CASQ2: variants seen among roughly 807,000 people sequenced by gnomAD.
CASQ2 encodes calsequestrin 2, also known as calsequestrin-2.
Under a neutral mutation model 46.5 loss-of-function variants are expected in CASQ2, and 49 were observed. That is an observed-to-expected ratio of 1.05 (90% CI 0.84 to 1.34). The LOEUF (loss-of-function observed/expected upper bound fraction) is 1.34. Ranked by LOEUF, CASQ2 falls within the 40% of genes most tolerant of loss-of-function variation. The pLI is 0.00. For synonymous variants in CASQ2, 174 were observed against 168.5 expected, an observed-to-expected ratio of 1.03 and a Z score of -0.25; for missense variants, 486 against 481.3, an observed-to-expected ratio of 1.01 and a Z score of -0.09.
At chr1:115,761,402 A>AAAC (rs1553197224) in intron 1 of CASQ2, among the ~76,000 whole-genome samples, 174 of 8,028 alleles carry the variant, frequency 0.022, 3 homozygotes, top group East Asian at 0.091. Context: ...GTCAAAAAAA[A>AAAC]AAGAAGAAGA....
intron 8 of CASQ2, among the ~76,000 whole-genome samples, chr1:115,715,378 C>T (rs1654668163): frequency 6.6e-6 from 1 of 152,136 alleles, no homozygotes; most frequent in African/African-American, 2.4e-5. Context: ...GAATATTATT[C>T]GGCCCTTAAA....
chr1:115,747,678 G>T (rs933521391), intron 1 of CASQ2, among the ~76,000 whole-genome samples: 1 of 152,088 alleles, frequency 6.6e-6, no homozygotes, highest in Admixed American at 6.6e-5. Flanking sequence ...CAGCCTACAA[G>T]TCTGGCACAC....
At chr1:115,755,015 G>A (rs1027438738) in intron 1 of CASQ2, among the ~76,000 whole-genome samples, 1 of 152,180 alleles carries the variant, frequency 6.6e-6, no homozygotes, top group Admixed American at 6.5e-5. Context: ...ATTTCTGCCA[G>A]GGTCCCAGGT....
At chr1:115,702,113 G>A (rs1654223836) in intron 10 of CASQ2, among the ~76,000 whole-genome samples, 1 of 151,872 alleles carries the variant, frequency 6.6e-6, no homozygotes, top group South Asian at 2.1e-4. Flanking sequence ...AGTAGAGATG[G>A]GGTTTCACCA....
intron 7 of CASQ2, among the ~76,000 whole-genome samples, chr1:115,719,099 AT>A (rs1048190682): frequency 3.3e-5 from 5 of 152,116 alleles, no homozygotes; most frequent in South Asian, 2.1e-4. Context: ...CTAAATGCTA[AT>A]TTTTTTCCTT....
At position 115,703,116 on chromosome 1, in the gene CASQ2, G is replaced by A. The variant is rs1654261112; in HGVS notation, c.940-121C>T. The A allele has an allele frequency of 9.2e-6, 7 of 756,886 alleles. 1 individual carries two copies. Among genetic ancestry groups the A allele is most frequent in the Middle Eastern group, 2.2e-4 (1 of 4,452 alleles). 46.9% of individuals were successfully genotyped at this position (756,886 alleles called of 1,614,324 possible). A position where few individuals can be genotyped will look rare whatever the true frequency, so the allele number is the denominator to read the frequency against. On this transcript the variant is annotated intron_variant, in intron 9 of 10. Transcript: ENST00000261448. ...GGTTAAAGGTCTTCAAAACAGCTGT[G>A]AGCACTTAGCAAATTGAAGACTTGG...
rs555362410 is a variant in CASQ2, at chr1:115,713,658, G to T, written c.838+4182C>A. Among the ~76,000 whole-genome samples, 5 of 152,344 alleles carry T rather than the reference G, an allele frequency of 3.3e-5. No individual in the cohort carries two copies. The East Asian group carries it at 9.6e-4, about 29-fold the overall frequency. On this transcript the variant is annotated intron_variant, in intron 8 of 10. Coordinates refer to ENST00000261448, the MANE Select transcript of CASQ2 (RefSeq NM_001232.4). ...CTGGACAGACAGTGGGAGGAAGCCT[G>T]ACTTTTCTTCCCTAACTAGGCTCTC...
intron 1 of CASQ2, among the ~76,000 whole-genome samples, chr1:115,766,108 G>A (rs28523998): frequency 0.048 from 7,238 of 152,164 alleles, 605 homozygotes; most frequent in African/African-American, 0.17. Context: ...CATGAGCAGC[G>A]CCTCCAGGCC....
intron 8 of CASQ2, among the ~76,000 whole-genome samples, chr1:115,712,972 G>A (rs569217650): frequency 9.3e-4 from 142 of 152,212 alleles, no homozygotes; most frequent in African/African-American, 3.3e-3. Context: ...GTCTCAAAAA[G>A]ATTTTTACAA....
chr1:115,718,214 A>G (rs1647243113), intron 7 of CASQ2, among the ~76,000 whole-genome samples: 1 of 152,244 alleles, frequency 6.6e-6, no homozygotes, highest in Admixed American at 6.5e-5. Context: ...CCAGGAGTGC[A>G]GCAGTAAAAG....
intron 1 of CASQ2, among the ~76,000 whole-genome samples, chr1:115,759,659 T>C (rs923913126): frequency 1.3e-5 from 2 of 152,234 alleles, no homozygotes; most frequent in South Asian, 2.1e-4. Flanking sequence ...CATGAATAAA[T>C]GAAAGAATTA....
At chr1:115,762,263 A>C (rs979954838) in intron 1 of CASQ2, among the ~76,000 whole-genome samples, 12 of 152,214 alleles carry the variant, frequency 7.9e-5, no homozygotes, top group African/African-American at 2.9e-4. Flanking sequence ...GAATCTGGAA[A>C]GTATTGCTTG....
chr1:115,714,929 AAGT>A (rs1223555416), intron 8 of CASQ2, among the ~76,000 whole-genome samples: 1 of 152,226 alleles, frequency 6.6e-6, no homozygotes, highest in East Asian at 1.9e-4. Context: ...GAGGAGGTGG[AAGT>A]AGTTTCTGGA....
chr1:115,728,877 C>A (rs1261315855), intron 5 of CASQ2, among the ~76,000 whole-genome samples: 1 of 151,974 alleles, frequency 6.6e-6, no homozygotes, highest in Non-Finnish European at 1.5e-5. Flanking sequence ...TGTCTGGGTC[C>A]ACAGTGCTGT....
intron 2 of CASQ2, among the ~76,000 whole-genome samples, chr1:115,742,768 C>CTGTTTGTTTGTTTGTT (rs35672650): frequency 6.0e-5 from 9 of 150,362 alleles, no homozygotes; most frequent in Non-Finnish European, 1.0e-4. Context: ...ACTCATTAAA[C>CTGTTTGTTTGTTTGTT]TGTTTGTTTG....
chr1:115,749,029 C>T (rs958777463), intron 1 of CASQ2, among the ~76,000 whole-genome samples: 13 of 152,176 alleles, frequency 8.5e-5, no homozygotes, highest in Non-Finnish European at 7.3e-5. Context: ...TATTCTAATA[C>T]AGCAGATCTC....
intron 8 of CASQ2, among the ~76,000 whole-genome samples, chr1:115,708,271 C>T (rs1654425747): frequency 6.6e-6 from 1 of 152,148 alleles, no homozygotes; most frequent in South Asian, 2.1e-4. Flanking sequence ...AAAGAAATCC[C>T]AAAAACCATT....
chr1:115,727,250 C>G, intron 5 of CASQ2, 128 bp from the exon 6 acceptor site: 1 of 736,116 alleles, frequency 1.4e-6, no homozygotes, highest in East Asian at 2.8e-5. Flanking sequence ...GTTTTAACTT[C>G]AATGTTGAAG....
At chr1:115,767,422 A>T (rs533593012) in intron 1 of CASQ2, among the ~76,000 whole-genome samples, 1 of 152,344 alleles carries the variant, frequency 6.6e-6, no homozygotes, top group South Asian at 2.1e-4. Flanking sequence ...TATTTCATCA[A>T]CCTGAGTTCT....
Sources: allele counts gnomAD v4.1 joint callset (sites outside exome capture counted in the v4.1 genomes callset), GRCh38; gene constraint gnomAD v4.1.1; transcripts MANE v1.5; gene names NCBI Gene and HGNC (gene_info 2026-07-23, HGNC 2026-07-21).